The following EMC2 variants were observed in gnomAD, a reference collection of about 807,000 sequenced individuals.
EMC2 encodes ER membrane protein complex subunit 2.
In EMC2, 37 loss-of-function variants were observed where a neutral mutation model predicts 51.6. The observed-to-expected ratio is 0.72, with a 90% confidence interval of 0.55 to 0.94. EMC2 has a LOEUF of 0.94. Ranked by LOEUF, EMC2 falls within the 40% of genes least tolerant of loss-of-function variation. EMC2 has a pLI of 0.00. For missense variants in EMC2, 359 were observed against 350.9 expected (o/e 1.02, Z -0.18); for synonymous variants, 131 against 112.4 (o/e 1.17, Z -1.04).
At chr8:108,451,782 A>G (rs1819029129) in intron 3 of EMC2, among the ~76,000 whole-genome samples, 1 of 152,236 alleles carries the variant, frequency 6.6e-6, no homozygotes. Flanking sequence ...TTAATAAAGC[A>G]GTATACACAA....
In EMC2 at chr8:108,487,507, C is replaced by T. The variant is rs781643447; in HGVS notation, c.*909C>T. On this transcript the variant is annotated 3_prime_UTR_variant, in exon 11 of 11. Transcript: ENST00000220853. Reference sequence around the variant, plus strand: ...TAAACAACCATTATGCTACCTTCAACAGTATTTGACATGTTTCAACAAAAT... The same window carrying T: ...TAAACAACCATTATGCTACCTTCAATAGTATTTGACATGTTTCAACAAAAT... 3.9e-5 allele frequency among the ~76,000 whole-genome samples: 6 copies of T among 151,998 alleles called. No homozygotes were observed. The highest frequency in any genetic ancestry group is 5.9e-5 in the Non-Finnish European group (4 of 67,932).
chr8:108,483,514 C>T (rs1046567083), intron 10 of EMC2, among the ~76,000 whole-genome samples: 1 of 152,156 alleles, frequency 6.6e-6, no homozygotes, highest in African/African-American at 2.4e-5. Context: ...TGTCTGGCTT[C>T]TTTCACTCAG....
chr8:108,462,963 A>G (rs1288267209), intron 5 of EMC2, among the ~76,000 whole-genome samples: 1 of 151,820 alleles, frequency 6.6e-6, no homozygotes, highest in Non-Finnish European at 1.5e-5. Flanking sequence ...GCTTTTTTCA[A>G]ATTTCATTTC....
chr8:108,478,671 A>G (rs1586192713), intron 9 of EMC2, among the ~76,000 whole-genome samples: 1 of 151,904 alleles, frequency 6.6e-6, no homozygotes, highest in African/African-American at 2.4e-5. Flanking sequence ...TACAGTGGTA[A>G]AGTGCTTTTG....
At chr8:108,485,450 T>TAC in intron 10 of EMC2, among the ~76,000 whole-genome samples, 3 of 137,456 alleles carry the variant, frequency 2.2e-5, no homozygotes, top group Middle Eastern at 7.7e-3. Context: ...AATTAATATA[T>TAC]ATACATATAT....
rs141047850 is a variant in EMC2, at chr8:108,449,532, A to G, written c.41-291A>G. ...AGTGATTGTCCTACCTTGGGCTCCC[A>G]AAGTCCTGGCATTACTGATGTAAGC... On this transcript the variant is annotated intron_variant, in intron 1 of 10. Coordinates refer to ENST00000220853, the MANE Select transcript of EMC2 (RefSeq NM_014673.5). Among the ~76,000 whole-genome samples the G allele has an allele frequency of 6.6e-3, 1,004 of 152,308 alleles. 10 individuals are homozygous for G. The highest frequency in any genetic ancestry group is 0.023 in the African/African-American group (953 of 41,562).
Position 108,485,093 on chromosome 8 carries a change from A to G in EMC2, c.808-1419A>G, listed in dbSNP as rs564046103. On this transcript the variant is annotated intron_variant, in intron 10 of 10. Coordinates refer to ENST00000220853, the MANE Select transcript of EMC2 (RefSeq NM_014673.5). ...TTAGAGTGTAGGAAGTGAGGGAATC[A>G]TAATGTTAAGCTGTAGCCAGAGGGG... Among the ~76,000 whole-genome samples the G allele has an allele frequency of 3.4e-4, 51 of 151,992 alleles. 1 individual carries two copies. The highest frequency in any genetic ancestry group is 3.1e-3 in the Admixed American group (47 of 15,238).
At chr8:108,468,057 AC>A in intron 5 of EMC2, among the ~76,000 whole-genome samples, 3 of 152,326 alleles carry the variant, frequency 2.0e-5, no homozygotes, top group East Asian at 3.9e-4. Context: ...TTCAAAACAG[AC>A]ATTATGCTCT....
intron 5 of EMC2, 70 bp from the exon 6 acceptor site, chr8:108,469,756 T>C: frequency 7.7e-7 from 1 of 1,305,642 alleles, no homozygotes; most frequent in South Asian, 1.2e-5. Flanking sequence ...ATTTGCACAG[T>C]CAAATTACCT....
intron 5 of EMC2, among the ~76,000 whole-genome samples, chr8:108,462,465 T>C (rs375515846): frequency 6.6e-6 from 1 of 152,180 alleles, no homozygotes; most frequent in Admixed American, 6.5e-5. Flanking sequence ...AGTTTTTCAG[T>C]GGATGTCATT....
chr8:108,449,376 G>A (rs372891145), intron 1 of EMC2, among the ~76,000 whole-genome samples: 1 of 151,804 alleles, frequency 6.6e-6, no homozygotes, highest in South Asian at 2.1e-4. Context: ...GGGTTCAAGC[G>A]ATTCTCCTGC....
chr8:108,474,929 T>C (rs1810921430), intron 7 of EMC2: 1 of 152,010 alleles, frequency 6.6e-6, no homozygotes, highest in African/African-American at 2.4e-5. Flanking sequence ...TGACACGTAA[T>C]AAGCATTTAG....
intron 4 of EMC2, among the ~76,000 whole-genome samples, chr8:108,455,140 G>A (rs926408097): frequency 1.3e-5 from 2 of 151,882 alleles, no homozygotes; most frequent in Non-Finnish European, 2.9e-5. Context: ...AATTTTCAAC[G>A]ATTAAACATT....
chr8:108,462,212 T>TA, intron 5 of EMC2, among the ~76,000 whole-genome samples: 1 of 31,862 alleles, frequency 3.1e-5, no homozygotes, highest in African/African-American at 2.3e-4. Context: ...GTGTGTGTGT[T>TA]TTGTGTGCGT....
chr8:108,456,121 A>G (rs1413621061), intron 5 of EMC2, 191 bp downstream of exon 5: 5 of 189,690 alleles, frequency 2.6e-5, no homozygotes, highest in Admixed American at 6.2e-5. Context: ...AGACTCTCCA[A>G]TAAAATTTGA....
chr8:108,466,442 A>ATT lies in EMC2; in HGVS notation c.364-3357_364-3356dup, dbSNP rs869102478. Among the ~76,000 whole-genome samples the ATT allele has an allele frequency of 5.9e-4, 54 of 91,062 alleles. 3 individuals are homozygous for ATT. The highest frequency in any genetic ancestry group is 5.0e-3 in the East Asian group (16 of 3,208). 59.7% of individuals were successfully genotyped at this position (91,062 alleles called of 152,430 possible). On this transcript the variant is annotated intron_variant, in intron 5 of 10. Coordinates refer to ENST00000220853, the MANE Select transcript of EMC2 (RefSeq NM_014673.5). ...ATTATGCTAAGGAAGCTATGATAGA[A>ATT]TTTTTTTTTTTTTTTTTTTTTTTTT...
intron 6 of EMC2, 68 bp from the exon 7 acceptor site, chr8:108,469,994 G>A: frequency 6.5e-7 from 1 of 1,545,938 alleles, no homozygotes; most frequent in Non-Finnish European, 8.9e-7. Context: ...TGATTTTCCT[G>A]TTTGTTTTCA....
intron 10 of EMC2, among the ~76,000 whole-genome samples, chr8:108,480,236 C>T (rs1446198910): frequency 6.6e-6 from 1 of 151,694 alleles, no homozygotes; most frequent in African/African-American, 2.4e-5. Flanking sequence ...CATTTTCTTT[C>T]AAATTATTTT....
intron 5 of EMC2, among the ~76,000 whole-genome samples, chr8:108,464,998 G>A (rs980164572): frequency 6.6e-6 from 1 of 152,230 alleles, no homozygotes; most frequent in South Asian, 2.1e-4. Context: ...GAGGCAGGGG[G>A]GAGGTTATAG....
Sources: allele counts gnomAD v4.1 joint callset (sites outside exome capture counted in the v4.1 genomes callset), GRCh38; gene constraint gnomAD v4.1.1; transcripts MANE v1.5; gene names NCBI Gene and HGNC (gene_info 2026-07-23, HGNC 2026-07-21).